Variants in CAMSAP2 observed in about 807,000 individuals in gnomAD.
CAMSAP2 encodes calmodulin-regulated spectrin-associated protein 2.
A neutral mutation model predicts 146.1 loss-of-function variants in CAMSAP2; 26 were observed. That is an observed-to-expected ratio of 0.18 (90% confidence interval 0.13 to 0.25). The LOEUF is 0.25. Ranked by LOEUF, CAMSAP2 falls within the 10% of genes least tolerant of loss-of-function variation. CAMSAP2 has a pLI of 1.00. For synonymous variants in CAMSAP2, 499 were observed against 596.6 expected (o/e 0.84, Z 2.38); for missense variants, 1,381 against 1,759.3 (o/e 0.78, Z 3.85).
At position 200,849,513 on chromosome 1, in the gene CAMSAP2, A is replaced by T. The variant is rs374097552; in HGVS notation, c.2744A>T (p.Gln915Leu). Reference sequence around the variant, plus strand: ...ATGTTAATGCAGATGAGAGAGCAACAATCTTGGGTGATTTCACCTCCACAA... The same window carrying T: ...ATGTTAATGCAGATGAGAGAGCAACTATCTTGGGTGATTTCACCTCCACAA... ...QEMLMQMREQ[Q>L]SWVISPPQPS... Residue 915 changes from glutamine to leucine, a missense_variant, in exon 11 of 17, where the codon CAA (glutamine) becomes CTA (leucine). This residue lies in a region of CAMSAP2 where 560 missense variants were observed against 715.9 expected (regional missense o/e 0.78). Transcript: ENST00000358823. This position sits in a 1 kb window ranked among gnomAD's most constrained non-coding sequence, Gnocchi z 6.3. 3.1e-6 allele frequency: 5 copies of T among 1,614,078 alleles called. No homozygotes were observed. In the African/African-American group the frequency reaches 6.7e-5, roughly 22 times the overall value.
chr1:200,814,919 A>G (rs1166195787), intron 3 of CAMSAP2, among the ~76,000 whole-genome samples: 3 of 151,938 alleles, frequency 2.0e-5, no homozygotes, highest in Non-Finnish European at 4.4e-5. Context: ...AAAACCAAAA[A>G]TTATCTAAAG....
intron 4 of CAMSAP2, among the ~76,000 whole-genome samples, chr1:200,823,922 A>G (rs1051285898): frequency 2.6e-5 from 4 of 152,124 alleles, no homozygotes; most frequent in Non-Finnish European, 5.9e-5. Context: ...ACTCATGTAT[A>G]CTTAATATTT....
At chr1:200,769,417 G>C (rs1476994346) in intron 2 of CAMSAP2, among the ~76,000 whole-genome samples, 2 of 152,070 alleles carry the variant, frequency 1.3e-5, no homozygotes, top group Non-Finnish European at 1.5e-5. Flanking sequence ...ACACCAGTGG[G>C]GTGTCCTCTA....
At chr1:200,831,091 A>T (rs932740015) in intron 4 of CAMSAP2, among the ~76,000 whole-genome samples, 4 of 152,194 alleles carry the variant, frequency 2.6e-5, no homozygotes, top group Non-Finnish European at 5.9e-5. Flanking sequence ...GAGATGACCA[A>T]TTTAGATGGA....
At chr1:200,747,571 T>G (rs1664370245) in intron 1 of CAMSAP2, among the ~76,000 whole-genome samples, 1 of 152,118 alleles carries the variant, frequency 6.6e-6, no homozygotes, top group African/African-American at 2.4e-5. Context: ...TAAAGAGGAT[T>G]TATTGTTTCT....
chr1:200,841,921 T>G (rs1286186933), intron 6 of CAMSAP2, 73 bp from the exon 7 acceptor site: 1 of 1,082,388 alleles, frequency 9.2e-7, no homozygotes, highest in East Asian at 2.4e-5. Context: ...TAAACCTATA[T>G]TTTAAAACAA....
At chr1:200,851,021 T>C (rs1287304364) in intron 11 of CAMSAP2, among the ~76,000 whole-genome samples, 1 of 152,214 alleles carries the variant, frequency 6.6e-6, no homozygotes, top group African/African-American at 2.4e-5. Context: ...AAGCTTCATC[T>C]AAAGCCTTTT....
chr1:200,758,269 ATAACT>A (rs1211635723), intron 1 of CAMSAP2, among the ~76,000 whole-genome samples: 2 of 152,228 alleles, frequency 1.3e-5, no homozygotes, highest in African/African-American at 4.8e-5. Context: ...TAGATGCCAA[ATAACT>A]TATATTAGCC....
chr1:200,803,715 G>C (rs1403997044), intron 2 of CAMSAP2, among the ~76,000 whole-genome samples: 1 of 151,958 alleles, frequency 6.6e-6, no homozygotes, highest in African/African-American at 2.4e-5. Context: ...TTAGAAATTT[G>C]TTTTTTAATT....
chr1:200,760,269 C>G (rs1664764434), intron 1 of CAMSAP2, among the ~76,000 whole-genome samples: 2 of 152,158 alleles, frequency 1.3e-5, no homozygotes, highest in African/African-American at 4.8e-5. Flanking sequence ...CTCTCCTAAA[C>G]AATTGCTATA....
intron 2 of CAMSAP2, among the ~76,000 whole-genome samples, chr1:200,764,132 G>T (rs1026924167): frequency 7.9e-5 from 12 of 151,508 alleles, no homozygotes; most frequent in Non-Finnish European, 1.6e-4. Context: ...TAAATTAACA[G>T]TTTTTTTTTC....
At position 200,749,473 on chromosome 1, in the gene CAMSAP2, T is replaced by C. The variant is rs902391259; in HGVS notation, c.139+9507T>C. Among the ~76,000 whole-genome samples, 5 of 152,222 alleles carry C rather than the reference T, an allele frequency of 3.3e-5. No homozygotes were observed. In the East Asian group the frequency reaches 9.6e-4, roughly 29 times the overall value. Reference sequence around the variant, plus strand: ...AGTGTCATGCATATTTACTCTGTCATGAATATTTAGTACTTAGTATATTTA... The same window carrying C: ...AGTGTCATGCATATTTACTCTGTCACGAATATTTAGTACTTAGTATATTTA... On this transcript the variant is annotated intron_variant, in intron 1 of 16. Coordinates refer to ENST00000358823, the MANE Select transcript of CAMSAP2 (RefSeq NM_203459.4).
At position 200,832,687 on chromosome 1, in the gene CAMSAP2, G is replaced by C; in HGVS notation, c.788-19G>C. ...CAAATTAATCCAAAGTCACCACCTT[G>C]CTCTTTTCTTATTTGAAGATATTTG... is the stretch of plus-strand genomic sequence containing the variant. On this transcript the variant is annotated intron_variant, in intron 5 of 16. Coordinates refer to ENST00000358823, the MANE Select transcript of CAMSAP2 (RefSeq NM_203459.4). The surrounding 1 kb of genome is among the most constrained non-coding windows in gnomAD (Gnocchi z 4.2). 1.3e-6 allele frequency: 2 copies of C among 1,580,862 alleles called. No individual in the cohort carries two copies. Among genetic ancestry groups the C allele is most frequent in the Non-Finnish European group, 1.7e-6 (2 of 1,164,300 alleles).
intron 4 of CAMSAP2, among the ~76,000 whole-genome samples, chr1:200,828,789 AAAT>A (rs1237553229): frequency 6.6e-6 from 1 of 152,200 alleles, no homozygotes; most frequent in East Asian, 1.9e-4. Flanking sequence ...GAAGTTCTAA[AAAT>A]AATTTAAAGG....
Position 200,807,403 on chromosome 1 carries a change from C to A in CAMSAP2, c.427C>A (p.Leu143Ile). The A allele has an allele frequency of 6.3e-7, 1 of 1,584,532 alleles. No homozygotes were observed. The highest frequency in any genetic ancestry group is 8.6e-7 in the Non-Finnish European group (1 of 1,164,070). Residue 143 changes from leucine (L) to isoleucine (I), a missense_variant, in exon 3 of 17, where the codon CTC (leucine) becomes ATC (isoleucine). Leu to Ile is a conservative substitution (Grantham distance 5). Around this residue, in one of 4 missense-constraint regions of CAMSAP2, gnomAD observed 284 missense variants for 406.9 expected, o/e 0.70. Coordinates refer to ENST00000358823, the MANE Select transcript of CAMSAP2 (RefSeq NM_203459.4). ...MSAHLAMIDT[L>I]MMAYTVEMVS... The stretch of plus-strand genomic sequence containing the variant: ...TGCACATTTGGCCATGATCGATACC[C>A]TCATGATGGCTTATACTGTAGAAAT...
At chr1:200,799,402 G>A (rs1009298785) in intron 2 of CAMSAP2, among the ~76,000 whole-genome samples, 1 of 152,144 alleles carries the variant, frequency 6.6e-6, no homozygotes, top group African/African-American at 2.4e-5. Flanking sequence ...AGTCTTGGGA[G>A]GGAGTATGTG....
intron 4 of CAMSAP2, among the ~76,000 whole-genome samples, chr1:200,827,245 G>A (rs1367928923): frequency 6.6e-6 from 1 of 152,142 alleles, no homozygotes; most frequent in African/African-American, 2.4e-5. Flanking sequence ...TCCAATTATT[G>A]CATATTTTAC....
rs957213310 is a variant in CAMSAP2, at chr1:200,859,485, A to T, written c.*1426A>T. The stretch of plus-strand genomic sequence containing the variant: ...CCCTGAGCTGTACTTTTCTATTATT[A>T]TAAGGCCTTTAGGCATCAGTGCATC... On this transcript the variant is annotated 3_prime_UTR_variant, in exon 17 of 17. Coordinates refer to ENST00000358823, the MANE Select transcript of CAMSAP2 (RefSeq NM_203459.4). 6.6e-6 allele frequency: 1 copy of T among 152,666 alleles called. No individual in the cohort carries two copies. The highest frequency in any genetic ancestry group is 1.5e-5 in the Non-Finnish European group (1 of 67,916). 9.5% of individuals were successfully genotyped at this position (152,666 alleles called of 1,614,324 possible).
chr1:200,776,267 G>T (rs185488843), intron 2 of CAMSAP2, among the ~76,000 whole-genome samples: 204 of 152,284 alleles, frequency 1.3e-3, no homozygotes, highest in African/African-American at 4.7e-3. Flanking sequence ...ACTAGGCACA[G>T]AAAAGGCAAA....
Sources: gnomAD v4.1 joint callset for allele counts (sites outside exome capture counted in the v4.1 genomes callset) on GRCh38, gnomAD v4.1.1 for gene constraint, gnomAD v4.1.1 regional missense constraint, Gnocchi (gnomAD v3.1) non-coding constraint, MANE v1.5 for transcripts, NCBI Gene and HGNC (gene_info 2026-07-23, HGNC 2026-07-21) for gene names.